The following PCDHGC5 variants were observed in gnomAD, a reference collection of about 807,000 sequenced individuals.
PCDHGC5 encodes the protein protocadherin gamma subfamily C, 5.
A neutral mutation model predicts 59.0 loss-of-function variants in PCDHGC5; 25 were observed. The ratio of observed to expected loss-of-function variants is 0.42; its 90% CI spans 0.31 to 0.59. PCDHGC5 has a LOEUF of 0.59. Ranked by LOEUF, PCDHGC5 falls within the 20% of genes least tolerant of loss-of-function variation. The pLI, the probability that PCDHGC5 is intolerant of heterozygous loss-of-function variation, is 0.13. For missense variants in PCDHGC5, 1,067 were observed against 1,206.4 expected (o/e 0.88, Z 1.71); for synonymous variants, 434 against 505.5 (o/e 0.86, Z 1.90).
At chr5:141,502,030 C>T (rs1031787021) in intron 2 of PCDHGC5, among the ~76,000 whole-genome samples, 4 of 152,180 alleles carry the variant, frequency 2.6e-5, no homozygotes, top group Non-Finnish European at 4.4e-5. Flanking sequence ...CAACCCCCGC[C>T]GCTTGCCTGC....
At chr5:141,497,013 A>G (rs2099773320) in intron 2 of PCDHGC5, among the ~76,000 whole-genome samples, 1 of 151,990 alleles carries the variant, frequency 6.6e-6, no homozygotes, top group Admixed American at 6.6e-5. Context: ...ACATGGTGAA[A>G]CCCCATCTCG....
rs2099691833 is a variant in PCDHGC5, at chr5:141,489,761, C to A, written c.521C>A (p.Pro174His). 8.1e-6 allele frequency: 13 copies of A among 1,614,102 alleles called. No individual in the cohort carries two copies. The highest frequency in any genetic ancestry group is 1.1e-5 in the Non-Finnish European group (13 of 1,179,962). ...ACTGTGAGCTTTTACACTCTAAGCCCCAACAGCCACTTCTCTCTGAATGTG... is the reference window on the plus strand; with the variant it reads ...ACTGTGAGCTTTTACACTCTAAGCCACAACAGCCACTTCTCTCTGAATGTG... Reference protein sequence around the residue: ...TNTVSFYTLSPNSHFSLNVKT... With the variant: ...TNTVSFYTLSHNSHFSLNVKT... The change falls in exon 1 of 4, where the codon CCC (proline) becomes CAC (histidine). Residue 174 changes from proline to histidine, a missense_variant. Physicochemically the swap from Pro to His is moderately conservative, Grantham distance 77 (BLOSUM62 -2). Coordinates refer to ENST00000252087, the MANE Select transcript of PCDHGC5 (RefSeq NM_018929.3). The surrounding 1 kb of genome is among the most constrained non-coding windows in gnomAD (Gnocchi z 4.5).
chr5:141,495,199 G>A (rs1205495643), intron 2 of PCDHGC5, among the ~76,000 whole-genome samples: 1 of 152,164 alleles, frequency 6.6e-6, no homozygotes, highest in African/African-American at 2.4e-5. Context: ...CCCATGTACT[G>A]CCTAACCCCC....
chr5:141,511,293 G>A lies in PCDHGC5; in HGVS notation c.*120G>A, dbSNP rs1028501355. On this transcript the variant is annotated 3_prime_UTR_variant, in exon 4 of 4. Coordinates refer to ENST00000252087, the MANE Select transcript of PCDHGC5 (RefSeq NM_018929.3). ...CCCCAGAATACTGGTAGGGGCCAAG[G>A]CCATGCTCCCCTTGGGAAACAGAAA... The A allele has an allele frequency of 3.3e-6, 5 of 1,509,316 alleles. No individual in the cohort carries two copies. In the African/African-American group the frequency reaches 5.6e-5, roughly 17 times the overall value. The allele number at this position is 1,509,316 out of a possible 1,614,324, so 93.5% of individuals were successfully genotyped here.
Position 141,511,030 on chromosome 5 carries a change from C to A in PCDHGC5, c.2692C>A (p.Gln898Lys). 9 of 1,614,224 alleles carry A rather than the reference C, an allele frequency of 5.6e-6. No individual in the cohort carries two copies. Among genetic ancestry groups the A allele is most frequent in the Non-Finnish European group, 7.6e-6 (9 of 1,180,032 alleles). Residue 898 changes from glutamine (Q) to lysine (K), a missense_variant, in exon 4 of 4, where the codon CAG (glutamine) becomes AAG (lysine). Transcript: ENST00000252087. ...SARYGPQFTLQHVPDYRQNVY... is the reference protein window; with the variant it reads ...SARYGPQFTLKHVPDYRQNVY... ...CCGCTACGGACCCCAGTTCACCCTGCAGCACGTGCCCGACTACCGCCAGAA... is the reference window on the plus strand; with the variant it reads ...CCGCTACGGACCCCAGTTCACCCTGAAGCACGTGCCCGACTACCGCCAGAA...
chr5:141,500,104 T>C (rs917633032), intron 2 of PCDHGC5, among the ~76,000 whole-genome samples: 1 of 152,124 alleles, frequency 6.6e-6, no homozygotes, highest in Non-Finnish European at 1.5e-5. Context: ...AATTTATTTG[T>C]TGAATCCCTG....
At chr5:141,504,980 G>A (rs113323355) in intron 2 of PCDHGC5, among the ~76,000 whole-genome samples, 174 of 152,196 alleles carry the variant, frequency 1.1e-3, no homozygotes, top group African/African-American at 3.9e-3. Context: ...TGGCCAACAT[G>A]GTGAAACCCC....
chr5:141,510,898 T>G (rs1393880610), intron 3 of PCDHGC5, 49 bp from the exon 4 acceptor site: 1 of 1,613,278 alleles, frequency 6.2e-7, no homozygotes, highest in East Asian at 2.2e-5. Context: ...ACAGTGACTG[T>G]TGAGGACCCT....
chr5:141,490,936 C>T lies in PCDHGC5; in HGVS notation c.1696C>T (p.His566Tyr). 6.2e-7 allele frequency: 1 copy of T among 1,613,694 alleles called. No individual in the cohort carries two copies. The change falls in exon 1 of 4, where the codon CAC becomes TAC. Residue 566 changes from histidine (H) to tyrosine (Y), a missense_variant. Physicochemically the swap from His to Tyr is moderately conservative, Grantham distance 83 (BLOSUM62 2). Transcript: ENST00000252087. The surrounding 1 kb of genome is among the most constrained non-coding windows in gnomAD (Gnocchi z 5.4). ...DENDNAPAVL[H>Y]PRPDWEHSAP... ...GAATGATAATGCCCCAGCTGTGCTG[C>T]ACCCACGGCCAGACTGGGAACACTC...
intron 2 of PCDHGC5, 57 bp downstream of exon 2, chr5:141,494,922 C>G: frequency 6.2e-7 from 1 of 1,613,670 alleles, no homozygotes; most frequent in Admixed American, 1.7e-5. Context: ...TCAGGGATGA[C>G]GTGGGAGGAG....
At position 141,511,238 on chromosome 5, in the gene PCDHGC5, G is replaced by A; in HGVS notation, c.*65G>A. ...CAACCAGCCCAGCTTCTCCTTACCT[G>A]CACCCAGGCCTCAGAGTTTCAGGGC... On this transcript the variant is annotated 3_prime_UTR_variant, in exon 4 of 4. Coordinates refer to ENST00000252087, the MANE Select transcript of PCDHGC5 (RefSeq NM_018929.3). 6.3e-7 allele frequency: 1 copy of A among 1,589,142 alleles called. No homozygotes were observed. The highest frequency in any genetic ancestry group is 2.3e-5 in the East Asian group (1 of 43,302).
intron 2 of PCDHGC5, among the ~76,000 whole-genome samples, chr5:141,502,024 C>T (rs2099812413): frequency 2.0e-5 from 3 of 152,152 alleles, no homozygotes; most frequent in Admixed American, 1.3e-4. Context: ...TCCCTGCAAC[C>T]CCCGCCGCTT....
Position 141,490,973 on chromosome 5 carries a change from G to A in PCDHGC5, c.1733G>A (p.Arg578His), listed in dbSNP as rs774983500. 5.0e-6 allele frequency: 8 copies of A among 1,613,932 alleles called. No homozygotes were observed. The highest frequency in any genetic ancestry group is 2.2e-5 in the East Asian group (1 of 44,878). The change falls in exon 1 of 4, where the codon CGT becomes CAT. Residue 578 changes from arginine to histidine, a missense_variant. Transcript: ENST00000252087. The surrounding 1 kb of genome is among the most constrained non-coding windows in gnomAD (Gnocchi z 5.4). ...GACTGGGAACACTCAGCCCCCCAGC[G>A]TCTCCCTCGCTCTGCTCCTCCTGGC... ...RPDWEHSAPQ[R>H]LPRSAPPGSL...
chr5:141,501,237 A>G (rs1327502244), intron 2 of PCDHGC5, among the ~76,000 whole-genome samples: 1 of 150,372 alleles, frequency 6.7e-6, no homozygotes, highest in Non-Finnish European at 1.5e-5. Flanking sequence ...CAGTTTTTTG[A>G]GCATGATGTA....
chr5:141,511,093 G>A lies in PCDHGC5; in HGVS notation c.2755G>A (p.Ala919Thr), dbSNP rs377350933. The change falls in exon 4 of 4, where the codon GCA (alanine) becomes ACA (threonine). Residue 919 changes from alanine to threonine, a missense_variant. Physicochemically the swap from Ala to Thr is moderately conservative, Grantham distance 58. Coordinates refer to ENST00000252087, the MANE Select transcript of PCDHGC5 (RefSeq NM_018929.3). Reference protein sequence around the residue: ...IPGSNATLTNAAGKRDGKAPA... With the variant: ...IPGSNATLTNTAGKRDGKAPA... ...AGGCAGCAATGCCACACTGACCAACGCAGCTGGCAAGCGGGATGGCAAGGC... is the reference window on the plus strand; with the variant it reads ...AGGCAGCAATGCCACACTGACCAACACAGCTGGCAAGCGGGATGGCAAGGC... 8 of 1,614,072 alleles carry A rather than the reference G, an allele frequency of 5.0e-6. No individual in the cohort carries two copies. Among genetic ancestry groups the A allele is most frequent in the African/African-American group, 4.0e-5 (3 of 74,916 alleles).
chr5:141,494,812 C>G lies in PCDHGC5; in HGVS notation c.2466C>G (p.Ala822=). The part of the protein sequence containing the change: ...SNTLRERSQQ[A]PPNTDWRFSQ... ...TCCCTCTGTTTTCTCCACAGCAAGCCCCGCCCAACACGGACTGGCGTTTCT... is the reference window on the plus strand; with the variant it reads ...TCCCTCTGTTTTCTCCACAGCAAGCGCCGCCCAACACGGACTGGCGTTTCT... The change falls in exon 2 of 4, where the codon GCC becomes GCG. Residue 822 remains alanine, a synonymous_variant. Coordinates refer to ENST00000252087, the MANE Select transcript of PCDHGC5 (RefSeq NM_018929.3). 4 of 1,614,146 alleles carry G rather than the reference C, an allele frequency of 2.5e-6. No homozygotes were observed. The highest frequency in any genetic ancestry group is 3.4e-6 in the Non-Finnish European group (4 of 1,180,016).
intron 2 of PCDHGC5, among the ~76,000 whole-genome samples, chr5:141,498,848 G>T (rs930895553): frequency 6.6e-6 from 1 of 151,908 alleles, no homozygotes; most frequent in African/African-American, 2.4e-5. Context: ...CAGGGGAATC[G>T]CTTGAACCCA....
chr5:141,508,826 C>T (rs2099872187), intron 3 of PCDHGC5, among the ~76,000 whole-genome samples: 1 of 152,092 alleles, frequency 6.6e-6, no homozygotes, highest in South Asian at 2.1e-4. Context: ...AGATCTGGGC[C>T]CCCCTCCCCT....
At chr5:141,502,001 C>T (rs2099812274) in intron 2 of PCDHGC5, among the ~76,000 whole-genome samples, 2 of 152,106 alleles carry the variant, frequency 1.3e-5, no homozygotes, top group Admixed American at 1.3e-4. Flanking sequence ...CCCTGACAAC[C>T]CGCATGCTCT....
Sources: gnomAD v4.1 joint callset for allele counts (sites outside exome capture counted in the v4.1 genomes callset) on GRCh38, gnomAD v4.1.1 for gene constraint, Gnocchi (gnomAD v3.1) non-coding constraint, MANE v1.5 for transcripts, NCBI Gene and HGNC (gene_info 2026-07-23, HGNC 2026-07-21) for gene names.